Variants in HSD17B4 observed in about 807,000 individuals in gnomAD.
HSD17B4 encodes hydroxysteroid 17-beta dehydrogenase 4.
HSD17B4 carries 70 observed loss-of-function variants against 101.0 expected under a neutral mutation model. That is an observed-to-expected ratio of 0.69 (90% CI 0.57 to 0.85). The LOEUF (loss-of-function observed/expected upper bound fraction) is 0.85. Ranked by LOEUF, HSD17B4 falls within the 40% of genes least tolerant of loss-of-function variation. The probability of loss-of-function intolerance (pLI) is 0.00; values close to 1 mark genes in which losing one functional copy is unlikely to be tolerated. For missense variants in HSD17B4, 984 were observed against 892.4 expected (o/e 1.10, Z -1.31); for synonymous variants, 347 against 297.1 (o/e 1.17, Z -1.73).
In HSD17B4 at chr5:119,542,120, T is replaced by C. The variant is rs1025460928; in HGVS notation, c.*126T>C. 1 of 700,678 alleles carries C rather than the reference T, an allele frequency of 1.4e-6. No homozygotes were observed. The highest frequency in any genetic ancestry group is 2.1e-5 in the Admixed American group (1 of 46,586). The allele number at this position is 700,678 out of a possible 1,614,324, so 43.4% of individuals were successfully genotyped here. ...GGAAATTGCTTAACATTTTCAGATATCAGATAACTGCAGATTTTCATTTTC... is the reference window on the plus strand; with the variant it reads ...GGAAATTGCTTAACATTTTCAGATACCAGATAACTGCAGATTTTCATTTTC... On this transcript the variant is annotated 3_prime_UTR_variant, in exon 24 of 24. Transcript: ENST00000510025.
At chr5:119,466,169 G>A (rs257978) in intron 2 of HSD17B4, among the ~76,000 whole-genome samples, 77,875 of 151,984 alleles carry the variant, frequency 0.51, 20,490 homozygotes, top group East Asian at 0.92. Flanking sequence ...TCACTTGATT[G>A]TGATATATTA....
intron 20 of HSD17B4, 103 bp downstream of exon 20, chr5:119,527,322 A>T (rs1753695333): frequency 2.9e-6 from 2 of 679,040 alleles, no homozygotes; most frequent in Non-Finnish European, 5.3e-6. Context: ...CTTTTTAAGT[A>T]ATGGTAAATT....
intron 14 of HSD17B4, among the ~76,000 whole-genome samples, chr5:119,503,176 T>G (rs1166357240): frequency 2.0e-5 from 3 of 151,110 alleles, no homozygotes; most frequent in Non-Finnish European, 4.4e-5. Context: ...AGGAAGCTCC[T>G]TACATGTTTC....
At chr5:119,465,909 AGAG>A (rs549622821) in intron 2 of HSD17B4, among the ~76,000 whole-genome samples, 6 of 152,212 alleles carry the variant, frequency 3.9e-5, no homozygotes, top group Admixed American at 1.3e-4. Context: ...TCCAGTTTTT[AGAG>A]GAGAAGCTTT....
At chr5:119,531,932 G>T (rs1039254556) in intron 22 of HSD17B4, among the ~76,000 whole-genome samples, 3 of 152,088 alleles carry the variant, frequency 2.0e-5, no homozygotes, top group Non-Finnish European at 2.9e-5. Flanking sequence ...CTATTAGAGT[G>T]CCATGCACCC....
rs771141287 is a variant in HSD17B4, at chr5:119,456,367, T to C, written c.111T>C (p.Val37=). Residue 37 remains valine (V), a splice_region_variant and synonymous_variant, in exon 2 of 24, where the codon GTT becomes GTC. Transcript: ENST00000510025. Reference sequence around the variant, plus strand: ...TTGCAGAAAGAGGAGCGTTAGTTGTTGGTAAGTTGGTGTGTTTTTCTTTTT... The same window carrying C: ...TTGCAGAAAGAGGAGCGTTAGTTGTCGGTAAGTTGGTGTGTTTTTCTTTTT... ...LAFAERGALV[V]VNDLGGDFKG... is the part of the protein sequence containing the mutation. 1.9e-6 allele frequency: 3 copies of C among 1,596,366 alleles called. No individual in the cohort carries two copies. Among genetic ancestry groups the C allele is most frequent in the Non-Finnish European group, 2.6e-6 (3 of 1,163,784 alleles).
At chr5:119,455,237 T>C (rs1754493071) in intron 1 of HSD17B4, among the ~76,000 whole-genome samples, 1 of 152,180 alleles carries the variant, frequency 6.6e-6, no homozygotes, top group Non-Finnish European at 1.5e-5. Flanking sequence ...CTCTCTTGGC[T>C]GGGGATGGTG....
intron 2 of HSD17B4, chr5:119,456,680 G>A: frequency 5.0e-6 from 2 of 401,330 alleles, no homozygotes; most frequent in East Asian, 5.5e-5. Flanking sequence ...CCAGGAGTTC[G>A]AGCCTGCAGA....
At chr5:119,462,757 C>T (rs1755393820) in intron 2 of HSD17B4, among the ~76,000 whole-genome samples, 1 of 152,062 alleles carries the variant, frequency 6.6e-6, no homozygotes, top group South Asian at 2.1e-4. Context: ...TTATGGGGTA[C>T]AGTGTGATAT....
intron 18 of HSD17B4, among the ~76,000 whole-genome samples, chr5:119,525,562 G>A (rs1429668038): frequency 6.6e-6 from 1 of 152,104 alleles, no homozygotes; most frequent in Non-Finnish European, 1.5e-5. Context: ...CAAAGGACAA[G>A]GTCATTGGAG....
chr5:119,520,169 A>G (rs1202720864), intron 17 of HSD17B4, among the ~76,000 whole-genome samples: 1 of 151,728 alleles, frequency 6.6e-6, no homozygotes, highest in Non-Finnish European at 1.5e-5. Context: ...TTTTTTTTAA[A>G]CAATGATTTA....
intron 17 of HSD17B4, among the ~76,000 whole-genome samples, chr5:119,519,691 C>A (rs961658286): frequency 1.3e-5 from 2 of 152,168 alleles, no homozygotes; most frequent in Non-Finnish European, 2.9e-5. Flanking sequence ...CTGGAGTATT[C>A]TTTCTCTCAT....
chr5:119,530,845 C>CAAA lies in HSD17B4; in HGVS notation c.1855-405_1855-403dup, dbSNP rs11423247. Among the ~76,000 whole-genome samples the CAAA allele has an allele frequency of 8.5e-4, 48 of 56,226 alleles. 2 individuals carry two copies. The highest frequency in any genetic ancestry group is 2.0e-3 in the East Asian group (2 of 1,008). 36.9% of individuals were successfully genotyped at this position (56,226 alleles called of 152,430 possible). A position where few individuals can be genotyped will look rare whatever the true frequency, so the allele number is the denominator to read the frequency against. On this transcript the variant is annotated intron_variant, in intron 21 of 23. Transcript: ENST00000510025. ...TCTAGCCTGGGCGACAAGTCTGTCT[C>CAAA]AAAAAAAAAAAAAAAAAACAAAAAA...
chr5:119,531,942 C>T (rs1754151793), intron 22 of HSD17B4, among the ~76,000 whole-genome samples: 1 of 151,886 alleles, frequency 6.6e-6, no homozygotes, highest in Admixed American at 6.6e-5. Flanking sequence ...GCCATGCACC[C>T]AATATAAAAC....
chr5:119,488,202 T>C (rs1749778950), intron 8 of HSD17B4, among the ~76,000 whole-genome samples: 1 of 152,132 alleles, frequency 6.6e-6, no homozygotes, highest in South Asian at 2.1e-4. Context: ...ACTAGCTTAC[T>C]GATGAAGATA....
chr5:119,496,889 A>G (rs1400412466), intron 12 of HSD17B4, among the ~76,000 whole-genome samples: 4 of 152,232 alleles, frequency 2.6e-5, no homozygotes, highest in Admixed American at 2.6e-4. Flanking sequence ...AGTATTCAGG[A>G]CAGTTGAGCC....
chr5:119,462,420 A>T (rs1755354022), intron 2 of HSD17B4, among the ~76,000 whole-genome samples: 1 of 151,810 alleles, frequency 6.6e-6, no homozygotes, highest in South Asian at 2.1e-4. Context: ...CCGTGGTAGG[A>T]TAATCTTTTC....
chr5:119,464,000 C>A (rs1755552984), intron 2 of HSD17B4, among the ~76,000 whole-genome samples: 1 of 151,890 alleles, frequency 6.6e-6, no homozygotes, highest in Admixed American at 6.6e-5. Flanking sequence ...GTTCATTTGC[C>A]ATTTTAAAAA....
At chr5:119,517,274 G>A (rs1053836776) in intron 17 of HSD17B4, among the ~76,000 whole-genome samples, 3 of 152,220 alleles carry the variant, frequency 2.0e-5, no homozygotes, top group South Asian at 2.1e-4. Context: ...GGGTGTACTG[G>A]GTCCCGCAGC....
Sources: gnomAD v4.1 joint callset for allele counts (sites outside exome capture counted in the v4.1 genomes callset) on GRCh38, gnomAD v4.1.1 for gene constraint, MANE v1.5 for transcripts, NCBI Gene and HGNC (gene_info 2026-07-23, HGNC 2026-07-21) for gene names.